DNAJC8: variants seen among roughly 807,000 people sequenced by gnomAD.
DNAJC8 encodes the protein DnaJ heat shock protein family (Hsp40) member C8.
In DNAJC8, 24 loss-of-function variants were observed where a neutral mutation model predicts 43.2. The ratio of observed to expected loss-of-function variants is 0.56; its 90% CI spans 0.40 to 0.78. The LOEUF is 0.78. Ranked by LOEUF, DNAJC8 falls within the 30% of genes least tolerant of loss-of-function variation. The probability of loss-of-function intolerance (pLI) is 0.00; values close to 1 mark genes in which losing one functional copy is unlikely to be tolerated. For missense variants in DNAJC8, 207 were observed against 299.4 expected (o/e 0.69, Z 2.28); for synonymous variants, 83 against 98.0 (o/e 0.85, Z 0.90).
chr1:28,204,262 C>G (rs1448215381), intron 7 of DNAJC8, among the ~76,000 whole-genome samples: 2 of 152,158 alleles, frequency 1.3e-5, no homozygotes, highest in Non-Finnish European at 2.9e-5. Context: ...TGGTACCTAC[C>G]AAGCAACAAT....
intron 8 of DNAJC8, 24 bp from the exon 9 acceptor site, chr1:28,201,394 TGAG>T: frequency 6.2e-7 from 1 of 1,613,320 alleles, no homozygotes; most frequent in East Asian, 2.2e-5. Flanking sequence ...AAGTTTGAGG[TGAG>T]GAGACCAGTC....
rs505966 is a variant in DNAJC8, at chr1:28,226,866, A to C, written c.180+2056T>G. On this transcript the variant is annotated intron_variant, in intron 2 of 8. Coordinates refer to ENST00000263697, the MANE Select transcript of DNAJC8 (RefSeq NM_014280.3). ...TCAGATATCAATATTTGTAAGCACA[A>C]ATAATGTAATTTATAATAAAATTGC... is the stretch of plus-strand genomic sequence containing the variant. 2.0e-5 allele frequency among the ~76,000 whole-genome samples: 3 copies of C among 150,886 alleles called. No homozygotes were observed. In the South Asian group the frequency reaches 6.3e-4, roughly 32 times the overall value.
intron 2 of DNAJC8, among the ~76,000 whole-genome samples, chr1:28,220,015 A>AGTG (rs34488413): frequency 0.41 from 62,817 of 151,830 alleles, 14,446 homozygotes; most frequent in African/African-American, 0.61. Flanking sequence ...AATGGGTGAT[A>AGTG]GTGTTGTGGT....
Position 28,201,447 on chromosome 1 carries a change from AC to A in DNAJC8, c.640-78del, listed in dbSNP as rs1226195964. ...CCTAAACCTGGTCTGCCATCCACTCACCCTCCTGTAGCCCAGCCCACTTCAG... is the reference window on the plus strand; with the variant it reads ...CCTAAACCTGGTCTGCCATCCACTCACCTCCTGTAGCCCAGCCCACTTCAG... On this transcript the variant is annotated intron_variant, in intron 8 of 8. Coordinates refer to ENST00000263697, the MANE Select transcript of DNAJC8 (RefSeq NM_014280.3). The A allele has an allele frequency of 9.4e-6, 15 of 1,594,724 alleles. No homozygotes were observed. The African/African-American group carries it at 1.9e-4, about 20-fold the overall frequency.
intron 5 of DNAJC8, among the ~76,000 whole-genome samples, chr1:28,209,120 A>C (rs900320364): frequency 1.3e-5 from 2 of 152,312 alleles, no homozygotes; most frequent in African/African-American, 4.8e-5. Context: ...CAATGATTTA[A>C]GGAGAAACTG....
intron 2 of DNAJC8, among the ~76,000 whole-genome samples, chr1:28,215,598 C>T (rs1309126401): frequency 4.0e-5 from 6 of 151,332 alleles, no homozygotes; most frequent in African/African-American, 9.7e-5. Flanking sequence ...AGTGCAATGG[C>T]GAGATCTCGG....
intron 8 of DNAJC8, among the ~76,000 whole-genome samples, chr1:28,202,635 C>A (rs1364584944): frequency 7.5e-6 from 1 of 133,398 alleles, no homozygotes; most frequent in Non-Finnish European, 1.5e-5. Context: ...GGCTGGAGTG[C>A]AGTGGCACAA....
At chr1:28,207,134 T>C (rs1382538227) in intron 6 of DNAJC8, among the ~76,000 whole-genome samples, 3 of 151,820 alleles carry the variant, frequency 2.0e-5, no homozygotes, top group Admixed American at 1.3e-4. Context: ...TCCCAGCACT[T>C]TGGGAGGCCG....
intron 2 of DNAJC8, among the ~76,000 whole-genome samples, chr1:28,218,657 G>A (rs1462926350): frequency 6.6e-6 from 1 of 151,874 alleles, no homozygotes; most frequent in African/African-American, 2.4e-5. Context: ...TGTAATCCCA[G>A]TGATTTGGGA....
chr1:28,212,261 G>A lies in DNAJC8; in HGVS notation c.238-1624C>T, dbSNP rs193011595. ...ATAGATGGTGGATACATGAATATTC[G>A]TTGTTCTATTCTTTTTTTTTTTTTT... On this transcript the variant is annotated intron_variant, in intron 3 of 8. Coordinates refer to ENST00000263697, the MANE Select transcript of DNAJC8 (RefSeq NM_014280.3). Among the ~76,000 whole-genome samples, 22 of 102,368 alleles carry A rather than the reference G, an allele frequency of 2.1e-4. No individual in the cohort carries two copies. In the East Asian group the frequency reaches 6.0e-3, roughly 28 times the overall value. The allele number at this position is 102,368 out of a possible 152,430, so 67.2% of individuals were successfully genotyped here.
At position 28,214,935 on chromosome 1, in the gene DNAJC8, T is replaced by G. The variant is rs1646840674; in HGVS notation, c.237+5A>C. ...AAAAGTTCAAACAGGGAAATAGTAC[T>G]GTACCTGCCGAAACCTCTTTTTTAT... On this transcript the variant is annotated splice_donor_5th_base_variant and intron_variant, in intron 3 of 8. Transcript: ENST00000263697. The G allele has an allele frequency of 6.2e-7, 1 of 1,606,388 alleles. No individual in the cohort carries two copies. Among genetic ancestry groups the G allele is most frequent in the South Asian group, 1.1e-5 (1 of 89,822 alleles).
intron 3 of DNAJC8, among the ~76,000 whole-genome samples, chr1:28,211,437 A>G (rs1038897029): frequency 2.6e-5 from 4 of 152,206 alleles, no homozygotes; most frequent in African/African-American, 9.7e-5. Flanking sequence ...AATCTGAAAA[A>G]ATCTGAAATC....
At chr1:28,202,156 T>C (rs913935824) in intron 8 of DNAJC8, among the ~76,000 whole-genome samples, 1 of 152,122 alleles carries the variant, frequency 6.6e-6, no homozygotes, top group Admixed American at 6.5e-5. Flanking sequence ...ATAGCACCCC[T>C]AGAACGCAGG....
chr1:28,201,499 A>G, intron 8 of DNAJC8, 129 bp from the exon 9 acceptor site: 1 of 1,419,984 alleles, frequency 7.0e-7, no homozygotes, highest in Non-Finnish European at 9.5e-7. Flanking sequence ...CAAGAGTAGA[A>G]TAGAGCTGGC....
chr1:28,212,168 A>AATAAATAAATAT (rs35950985), intron 3 of DNAJC8, among the ~76,000 whole-genome samples: 109 of 30,916 alleles, frequency 3.5e-3, no homozygotes, highest in Non-Finnish European at 5.5e-3. Flanking sequence ...TAAATAAATA[A>AATAAATAAATAT]ATATATATAT....
intron 2 of DNAJC8, among the ~76,000 whole-genome samples, chr1:28,218,692 G>GGCTA (rs1413815020): frequency 6.6e-6 from 1 of 151,720 alleles, no homozygotes; most frequent in Non-Finnish European, 1.5e-5. Context: ...GATCACTTGA[G>GGCTA]GCTAGGAGTT....
intron 8 of DNAJC8, among the ~76,000 whole-genome samples, chr1:28,202,109 A>G (rs1009563742): frequency 1.3e-5 from 2 of 152,044 alleles, no homozygotes; most frequent in African/African-American, 4.8e-5. Flanking sequence ...AGTAGAATAG[A>G]GCTTTCTTCC....
At chr1:28,229,481 A>C (rs1256575446) in intron 1 of DNAJC8, among the ~76,000 whole-genome samples, 2 of 65,900 alleles carry the variant, frequency 3.0e-5, no homozygotes, top group Non-Finnish European at 5.9e-5. Flanking sequence ...AATTTTAAGA[A>C]AAAAAAAATA....
At position 28,205,303 on chromosome 1, in the gene DNAJC8, A is replaced by C; in HGVS notation, c.518T>G (p.Leu173Arg). 6.2e-7 allele frequency: 1 copy of C among 1,613,660 alleles called. No homozygotes were observed. Among genetic ancestry groups the C allele is most frequent in the Non-Finnish European group, 8.5e-7 (1 of 1,179,932 alleles). ...YKQTMKLFAE[L>R]EIKRKEREAK... ...TTCTCTCTCTTTCCTTTTAATTTCC[A>C]GCTCTGCAAAGAGTTTCATTGTCTG... is the stretch of plus-strand genomic sequence containing the variant. The change falls in exon 7 of 9, where the codon CTG (leucine) becomes CGG (arginine). Residue 173 changes from leucine (L) to arginine (R), a missense_variant. Around this residue, in one of 2 missense-constraint regions of DNAJC8, gnomAD observed 159 missense variants for 267.5 expected, o/e 0.59. Transcript: ENST00000263697.
Sources: allele counts gnomAD v4.1 joint callset (sites outside exome capture counted in the v4.1 genomes callset), GRCh38; gene constraint gnomAD v4.1.1; regional missense constraint gnomAD v4.1.1; transcripts MANE v1.5; gene names NCBI Gene and HGNC (gene_info 2026-07-23, HGNC 2026-07-21).